The following PPP2R5E variants were observed in gnomAD, a reference collection of about 807,000 sequenced individuals.
PPP2R5E encodes the protein protein phosphatase 2 regulatory subunit B'epsilon.
PPP2R5E carries 4 observed loss-of-function variants against 65.3 expected under a neutral mutation model. That is an observed-to-expected ratio of 0.06 (90% CI 0.03 to 0.14). PPP2R5E has a LOEUF of 0.14. Among genes scored for constraint, PPP2R5E ranks in the 10% least tolerant of loss-of-function variants. PPP2R5E has a pLI of 1.00. For synonymous variants in PPP2R5E, 183 were observed against 187.4 expected, an observed-to-expected ratio of 0.98 and a Z score of 0.19; for missense variants, 274 against 556.1, an observed-to-expected ratio of 0.49 and a Z score of 5.10.
At position 63,539,532 on chromosome 14, in the gene PPP2R5E, T is replaced by C; in HGVS notation, c.154A>G (p.Lys52Glu). 1 of 1,613,572 alleles carries C rather than the reference T, an allele frequency of 6.2e-7. No individual in the cohort carries two copies. The highest frequency in any genetic ancestry group is 8.5e-7 in the Non-Finnish European group (1 of 1,179,624). Residue 52 changes from lysine (K) to glutamate (E), a missense_variant, in exon 2 of 14, where the codon AAA (lysine) becomes GAA (glutamate). Around this residue, in one of 6 missense-constraint regions of PPP2R5E, gnomAD observed 58 missense variants for 64.8 expected, o/e 0.90. Coordinates refer to ENST00000337537, the MANE Select transcript of PPP2R5E (RefSeq NM_006246.5). The stretch of plus-strand genomic sequence containing the variant: ...ATCACCTGGTCATGAGCCTTACCTT[T>C]TAGCAGCGGCAGAGGTGTTAACTCA... ...PIELTPLPLL[K>E]DVPSSEQPEL...
chr14:63,371,678 G>C lies in PPP2R5E; in HGVS notation c.*4331C>G, dbSNP rs1883696389. 1 of 152,016 alleles carries C rather than the reference G, an allele frequency of 6.6e-6. No homozygotes were observed. Among genetic ancestry groups the C allele is most frequent in the Admixed American group, 6.6e-5 (1 of 15,258 alleles). 9.4% of individuals were successfully genotyped at this position (152,016 alleles called of 1,614,324 possible). ...TTGAACCAGTCTATAATTTTCATAT[G>C]CAACTTTTCATATCAAAAATGTTTC... On this transcript the variant is annotated 3_prime_UTR_variant, in exon 14 of 14. Transcript: ENST00000337537.
intron 4 of PPP2R5E, among the ~76,000 whole-genome samples, chr14:63,419,094 G>A (rs918601458): frequency 3.3e-5 from 5 of 152,102 alleles, no homozygotes; most frequent in African/African-American, 1.2e-4. Flanking sequence ...TGATCCACCC[G>A]CCTTGGCCTT....
chr14:63,409,149 C>T (rs901863203), intron 5 of PPP2R5E, among the ~76,000 whole-genome samples: 2 of 152,196 alleles, frequency 1.3e-5, no homozygotes, highest in Non-Finnish European at 2.9e-5. Flanking sequence ...AGGAGAATTG[C>T]TTGAACCCAG....
At chr14:63,531,944 C>A (rs1386178378) in intron 2 of PPP2R5E, among the ~76,000 whole-genome samples, 2 of 149,582 alleles carry the variant, frequency 1.3e-5, no homozygotes, top group African/African-American at 5.1e-5. Context: ...CAAGAGCGAA[C>A]CTCCATCTCA....
At chr14:63,437,959 C>T (rs191751499) in intron 3 of PPP2R5E, among the ~76,000 whole-genome samples, 38 of 152,310 alleles carry the variant, frequency 2.5e-4, no homozygotes, top group Admixed American at 6.5e-4. Context: ...CCTCACCTCT[C>T]TCTACTCATC....
At chr14:63,392,743 G>C (rs1208688255) in intron 8 of PPP2R5E, among the ~76,000 whole-genome samples, 1 of 152,138 alleles carries the variant, frequency 6.6e-6, no homozygotes, top group Non-Finnish European at 1.5e-5. Flanking sequence ...ATTTTTCCTC[G>C]AAATAGAGAA....
At chr14:63,380,983 G>A (rs563910336) in intron 13 of PPP2R5E, among the ~76,000 whole-genome samples, 1 of 152,130 alleles carries the variant, frequency 6.6e-6, no homozygotes, top group African/African-American at 2.4e-5. Flanking sequence ...AAGACCCTGG[G>A]TATGAACACT....
In PPP2R5E at chr14:63,436,088, G is replaced by C. The variant is rs185407324; in HGVS notation, c.355-13994C>G. 3.3e-5 allele frequency among the ~76,000 whole-genome samples: 5 copies of C among 152,292 alleles called. No individual in the cohort carries two copies. The East Asian group carries it at 9.6e-4, about 29-fold the overall frequency. ...ACACAGGCTAACCATGTGATACCAA[G>C]GCTTTGCTGCATTTCACCATCTGGG... On this transcript the variant is annotated intron_variant, in intron 3 of 13. Transcript: ENST00000337537.
chr14:63,499,029 C>T (rs1346633897), intron 2 of PPP2R5E, among the ~76,000 whole-genome samples: 1 of 152,072 alleles, frequency 6.6e-6, no homozygotes, highest in Non-Finnish European at 1.5e-5. Context: ...CAAAATTAGT[C>T]ATGAAAATCA....
intron 2 of PPP2R5E, among the ~76,000 whole-genome samples, chr14:63,477,855 T>A (rs1396942027): frequency 6.6e-6 from 1 of 151,168 alleles, no homozygotes; most frequent in Non-Finnish European, 1.5e-5. Flanking sequence ...GAGAAAAAAA[T>A]TTAAATATAT....
chr14:63,414,030 A>G (rs752392040), intron 5 of PPP2R5E, among the ~76,000 whole-genome samples: 1 of 152,170 alleles, frequency 6.6e-6, no homozygotes, highest in African/African-American at 2.4e-5. Context: ...AATTCCACTT[A>G]GCCTTACTTA....
chr14:63,495,017 A>T (rs1316344796), intron 2 of PPP2R5E, among the ~76,000 whole-genome samples: 1 of 151,946 alleles, frequency 6.6e-6, no homozygotes, highest in Non-Finnish European at 1.5e-5. Context: ...CAGCCTGGCT[A>T]ACATGGTGAA....
At chr14:63,482,121 T>C (rs187216643) in intron 2 of PPP2R5E, among the ~76,000 whole-genome samples, 24 of 152,358 alleles carry the variant, frequency 1.6e-4, no homozygotes, top group African/African-American at 3.4e-4. Context: ...AAAAAATACA[T>C]TGTTTTACAA....
chr14:63,486,640 C>A lies in PPP2R5E; in HGVS notation c.158-32755G>T, dbSNP rs570028268. Reference sequence around the variant, plus strand: ...TCCACAGTACTCCACTGTTTCCCACCCTCCCATTTCCTTTCCTATCCTGTT... The same window carrying A: ...TCCACAGTACTCCACTGTTTCCCACACTCCCATTTCCTTTCCTATCCTGTT... On this transcript the variant is annotated intron_variant, in intron 2 of 13. Transcript: ENST00000337537. Among the ~76,000 whole-genome samples, 73 of 151,904 alleles carry A rather than the reference C, an allele frequency of 4.8e-4. 1 individual carries two copies. Among genetic ancestry groups the A allele is most frequent in the African/African-American group, 1.7e-3 (69 of 41,390 alleles).
At chr14:63,485,661 G>A (rs955455355) in intron 2 of PPP2R5E, among the ~76,000 whole-genome samples, 3 of 151,704 alleles carry the variant, frequency 2.0e-5, no homozygotes, top group South Asian at 2.1e-4. Context: ...TGATCCACCC[G>A]CCTCGGCCTC....
intron 3 of PPP2R5E, among the ~76,000 whole-genome samples, chr14:63,425,347 T>G (rs1374131583): frequency 6.6e-6 from 1 of 152,234 alleles, no homozygotes; most frequent in Non-Finnish European, 1.5e-5. Context: ...ATAATGTAAT[T>G]GACAGGGCAA....
In PPP2R5E at chr14:63,372,605, C is replaced by CTA. The variant is rs1454182904; in HGVS notation, c.*3402_*3403dup. The CTA allele has an allele frequency of 6.6e-6, 1 of 152,120 alleles. No homozygotes were observed. The highest frequency in any genetic ancestry group is 2.4e-5 in the African/African-American group (1 of 41,420). 9.4% of individuals were successfully genotyped at this position (152,120 alleles called of 1,614,324 possible). A position where few individuals can be genotyped will look rare whatever the true frequency, so the allele number is the denominator to read the frequency against. ...AAACCACCCCAAACCCCAAAAAACTCTAAACACTTAAAAATGCCAATAACA... is the reference window on the plus strand; with the variant it reads ...AAACCACCCCAAACCCCAAAAAACTCTATAAACACTTAAAAATGCCAATAACA... On this transcript the variant is annotated 3_prime_UTR_variant, in exon 14 of 14. Coordinates refer to ENST00000337537, the MANE Select transcript of PPP2R5E (RefSeq NM_006246.5).
chr14:63,400,699 C>CAAAAAAAAGAAAA (rs1555356631), intron 5 of PPP2R5E, among the ~76,000 whole-genome samples: 1 of 73,730 alleles, frequency 1.4e-5, no homozygotes, highest in Non-Finnish European at 2.6e-5. Flanking sequence ...CCCAACCAGC[C>CAAAAAAAAGAAAA]AAAAAAAAAA....
intron 13 of PPP2R5E, among the ~76,000 whole-genome samples, chr14:63,381,637 C>T (rs1038688087): frequency 1.3e-5 from 2 of 152,166 alleles, no homozygotes; most frequent in Non-Finnish European, 2.9e-5. Context: ...TATATAAATA[C>T]AGTCATGTGC....
Sources: gnomAD v4.1 joint callset for allele counts (sites outside exome capture counted in the v4.1 genomes callset) on GRCh38, gnomAD v4.1.1 for gene constraint, gnomAD v4.1.1 regional missense constraint, MANE v1.5 for transcripts, NCBI Gene and HGNC (gene_info 2026-07-23, HGNC 2026-07-21) for gene names.